Variants in COL22A1 observed in about 807,000 individuals in gnomAD.
The protein encoded by COL22A1 is collagen type XXII alpha 1 chain.
COL22A1 carries 221 observed loss-of-function variants against 248.9 expected under a neutral mutation model. The observed-to-expected ratio is 0.89, with a 90% CI of 0.80 to 0.99. The LOEUF is 0.99. Ranked by LOEUF, COL22A1 falls within the 50% of genes least tolerant of loss-of-function variation. COL22A1 has a pLI of 0.00. For synonymous variants in COL22A1, 891 were observed against 793.4 expected (o/e 1.12, Z -2.07); for missense variants, 2,240 against 2,179.0 (o/e 1.03, Z -0.56).
chr8:138,682,408 A>G lies in COL22A1; in HGVS notation c.3012+2017T>C, dbSNP rs1826034095. Among the ~76,000 whole-genome samples, 2 of 152,214 alleles carry G rather than the reference A, an allele frequency of 1.3e-5. 1 individual carries two copies. Among genetic ancestry groups the G allele is most frequent in the South Asian group, 4.1e-4 (2 of 4,834 alleles). ...TATGCAAGTACAAAAGAAGTAATATAATTTTACAATAACACTTTTATTATT... is the reference window on the plus strand; with the variant it reads ...TATGCAAGTACAAAAGAAGTAATATGATTTTACAATAACACTTTTATTATT... On this transcript the variant is annotated intron_variant, in intron 39 of 64. Transcript: ENST00000303045.
At position 138,755,052 on chromosome 8, in the gene COL22A1, C is replaced by T. The variant is rs1189970848; in HGVS notation, c.2031+105G>A. 5.1e-6 allele frequency: 6 copies of T among 1,185,454 alleles called. No individual in the cohort carries two copies. In the East Asian group the frequency reaches 1.2e-4, roughly 23 times the overall value. The allele number at this position is 1,185,454 out of a possible 1,614,324, so 73.4% of individuals were successfully genotyped here. On this transcript the variant is annotated intron_variant, in intron 21 of 64. Coordinates refer to ENST00000303045, the MANE Select transcript of COL22A1 (RefSeq NM_152888.3). ...AACCCACTCAGGTGATGTGAAGGCG[C>T]TTGAGATAATGCCATGCTCAGCGCC...
At chr8:138,838,979 C>G (rs534746235) in intron 4 of COL22A1, among the ~76,000 whole-genome samples, 21 of 152,244 alleles carry the variant, frequency 1.4e-4, no homozygotes, top group East Asian at 3.9e-4. Flanking sequence ...TCCCCCACCC[C>G]CTTAGCTGCC....
intron 22 of COL22A1, among the ~76,000 whole-genome samples, chr8:138,739,102 T>C (rs1367983403): frequency 1.3e-5 from 2 of 152,128 alleles, no homozygotes; most frequent in Non-Finnish European, 1.5e-5. Flanking sequence ...CAGGATGATA[T>C]CATTAAAACA....
chr8:138,854,943 T>C (rs1413712949), intron 3 of COL22A1, among the ~76,000 whole-genome samples: 2 of 151,202 alleles, frequency 1.3e-5, no homozygotes, highest in African/African-American at 4.9e-5. Context: ...GTGGTGATGA[T>C]GGTGATGATG....
chr8:138,895,785 GAGATCCTAGAAGCTGT>G (rs1239270054), intron 1 of COL22A1, among the ~76,000 whole-genome samples: 10 of 152,194 alleles, frequency 6.6e-5, no homozygotes, highest in African/African-American at 2.4e-4. Flanking sequence ...CAAACTTGCT[GAGATCCTAGAAGCTGT>G]AGATCCTATT....
intron 22 of COL22A1, among the ~76,000 whole-genome samples, chr8:138,751,098 A>G (rs1832559395): frequency 6.6e-6 from 1 of 152,220 alleles, no homozygotes; most frequent in Admixed American, 6.5e-5. Context: ...ATACCATGAG[A>G]TATGATATTC....
At position 138,730,157 on chromosome 8, in the gene COL22A1, A is replaced by G. The variant is rs552740535; in HGVS notation, c.2140-4717T>C. On this transcript the variant is annotated intron_variant, in intron 23 of 64. Transcript: ENST00000303045. ...TATTACCACAAGGCCCCTGGACAGT[A>G]TCTGTCTCCCTGCCCATGTGCAGGT... Among the ~76,000 whole-genome samples, 106 of 152,346 alleles carry G rather than the reference A, an allele frequency of 7.0e-4. 1 individual carries two copies. The highest frequency in any genetic ancestry group is 2.5e-3 in the African/African-American group (104 of 41,592).
At chr8:138,663,303 T>C (rs941509767) in intron 42 of COL22A1, among the ~76,000 whole-genome samples, 9 of 152,160 alleles carry the variant, frequency 5.9e-5, no homozygotes, top group Non-Finnish European at 2.9e-5. Flanking sequence ...GGCTCCCGGG[T>C]CTTGCTCTGC....
intron 3 of COL22A1, among the ~76,000 whole-genome samples, chr8:138,867,918 A>C (rs1823021366): frequency 6.6e-6 from 1 of 152,032 alleles, no homozygotes; most frequent in African/African-American, 2.4e-5. Flanking sequence ...GCACATGCCA[A>C]CATGCCTGGC....
chr8:138,603,566 A>G (rs1818202865), intron 59 of COL22A1, among the ~76,000 whole-genome samples: 2 of 152,182 alleles, frequency 1.3e-5, no homozygotes, highest in Non-Finnish European at 2.9e-5. Context: ...CGAGAAGTCC[A>G]AAGAGAATTC....
chr8:138,805,487 GTGA>G (rs953411563), intron 10 of COL22A1, among the ~76,000 whole-genome samples: 1 of 147,972 alleles, frequency 6.8e-6, no homozygotes, highest in Non-Finnish European at 1.5e-5. Context: ...GGGATGGCAT[GTGA>G]TGGTGTGTGT....
intron 32 of COL22A1, among the ~76,000 whole-genome samples, chr8:138,699,302 C>T (rs1254609758): frequency 6.6e-6 from 1 of 152,152 alleles, no homozygotes; most frequent in Non-Finnish European, 1.5e-5. Flanking sequence ...TCTTTTGCAT[C>T]ACACGCAGGA....
chr8:138,613,779 A>G (rs2131895405), intron 56 of COL22A1, 88 bp downstream of exon 56: 1 of 1,170,110 alleles, frequency 8.5e-7, no homozygotes, highest in Non-Finnish European at 1.3e-6. Flanking sequence ...CAATATATAC[A>G]GTGGCACCAG....
chr8:138,760,097 G>C (rs1381761501), intron 18 of COL22A1, 146 bp downstream of exon 18: 2 of 479,302 alleles, frequency 4.2e-6, no homozygotes, highest in Non-Finnish European at 7.2e-6. Flanking sequence ...GTGAGTTCCT[G>C]ATGCCCCAGC....
chr8:138,717,706 C>A (rs1330975634), intron 27 of COL22A1, among the ~76,000 whole-genome samples: 1 of 152,126 alleles, frequency 6.6e-6, no homozygotes, highest in Non-Finnish European at 1.5e-5. Context: ...TACAACAGTT[C>A]CTAATTAGCA....
chr8:138,596,934 T>C lies in COL22A1; in HGVS notation c.4402A>G (p.Ile1468Val), dbSNP rs1587629775. The C allele has an allele frequency of 3.7e-6, 6 of 1,614,090 alleles. No individual in the cohort carries two copies. The highest frequency in any genetic ancestry group is 5.1e-6 in the Non-Finnish European group (6 of 1,179,962). ...AGCTGCTTCCCCAGCTCTTCTTGAA[T>C]AAGCCGACGCAGGGTTTCCATGGAT... Reference protein sequence around the residue: ...SPSMETLRRLIQEELGKQLET... With the variant: ...SPSMETLRRLVQEELGKQLET... The change falls in exon 62 of 65, where the codon ATT becomes GTT. Residue 1468 changes from isoleucine to valine, a missense_variant. Coordinates refer to ENST00000303045, the MANE Select transcript of COL22A1 (RefSeq NM_152888.3).
chr8:138,672,800 C>G (rs1209945294), intron 41 of COL22A1, among the ~76,000 whole-genome samples: 4 of 152,154 alleles, frequency 2.6e-5, no homozygotes, highest in Non-Finnish European at 5.9e-5. Context: ...ATTGCTGGCA[C>G]CTGATCCATC....
chr8:138,776,619 C>A (rs781170685), intron 15 of COL22A1, among the ~76,000 whole-genome samples: 1 of 151,986 alleles, frequency 6.6e-6, no homozygotes, highest in African/African-American at 2.4e-5. Flanking sequence ...AACATGATCC[C>A]CCTGCTTCCC....
At chr8:138,671,106 C>G (rs1824988892) in intron 41 of COL22A1, among the ~76,000 whole-genome samples, 2 of 151,056 alleles carry the variant, frequency 1.3e-5, no homozygotes, top group Non-Finnish European at 2.9e-5. Context: ...TCAGTAAATA[C>G]AGTGGAAAAT....
Sources: gnomAD v4.1 joint callset for allele counts (sites outside exome capture counted in the v4.1 genomes callset) on GRCh38, gnomAD v4.1.1 for gene constraint, MANE v1.5 for transcripts, NCBI Gene and HGNC (gene_info 2026-07-23, HGNC 2026-07-21) for gene names.